The following ITFG1 variants were observed in gnomAD, a reference collection of about 807,000 sequenced individuals.
The protein encoded by ITFG1 is integrin alpha FG-GAP repeat containing 1.
A neutral mutation model predicts 81.8 loss-of-function variants in ITFG1; 34 were observed. The observed-to-expected ratio is 0.42, with a 90% CI of 0.32 to 0.55. The LOEUF (loss-of-function observed/expected upper bound fraction) is 0.55, where lower values mean the gene tolerates loss of function less well. Ranked by LOEUF, ITFG1 falls within the 20% of genes least tolerant of loss-of-function variation. The probability of loss-of-function intolerance (pLI) is 0.17; values close to 1 mark genes in which losing one functional copy is unlikely to be tolerated. For synonymous variants in ITFG1, 285 were observed against 270.6 expected (o/e 1.05, Z -0.52); for missense variants, 672 against 755.4 (o/e 0.89, Z 1.29).
At chr16:47,455,553 G>A (rs759967097) in intron 2 of ITFG1, among the ~76,000 whole-genome samples, 4 of 151,876 alleles carry the variant, frequency 2.6e-5, no homozygotes, top group Non-Finnish European at 5.9e-5. Context: ...TGGATCACTT[G>A]AGGTCAGGAA....
intron 13 of ITFG1, among the ~76,000 whole-genome samples, chr16:47,229,601 G>GAAAAAAGAAAAAAAAAAA (rs1965793819): frequency 6.8e-6 from 1 of 146,890 alleles, no homozygotes; most frequent in Non-Finnish European, 1.5e-5. Context: ...CTGCAGTCAG[G>GAAAAAAGAAAAAAAAAAA]CAAAAAAAAA....
intron 8 of ITFG1, among the ~76,000 whole-genome samples, chr16:47,352,736 C>T (rs1324523877): frequency 6.6e-6 from 1 of 152,186 alleles, no homozygotes; most frequent in East Asian, 1.9e-4. Context: ...ATAAATCATG[C>T]TGCTATAAAG....
At chr16:47,313,140 T>A (rs1967293841) in intron 9 of ITFG1, 1 of 152,286 alleles carries the variant, frequency 6.6e-6, no homozygotes, top group African/African-American at 2.4e-5. Flanking sequence ...GCTTTTAGAA[T>A]GCTGACTGTG....
intron 8 of ITFG1, among the ~76,000 whole-genome samples, chr16:47,317,320 A>T (rs1211708614): frequency 6.6e-6 from 1 of 152,210 alleles, no homozygotes; most frequent in East Asian, 1.9e-4. Context: ...TGTCATAAAA[A>T]TGGATTACAA....
chr16:47,386,862 C>A (rs1302281261), intron 6 of ITFG1, among the ~76,000 whole-genome samples: 1 of 152,088 alleles, frequency 6.6e-6, no homozygotes, highest in Non-Finnish European at 1.5e-5. Flanking sequence ...AGGGTATATT[C>A]AAAACAAATG....
At chr16:47,325,620 A>G (rs867218745) in intron 8 of ITFG1, among the ~76,000 whole-genome samples, 3 of 152,198 alleles carry the variant, frequency 2.0e-5, no homozygotes, top group Non-Finnish European at 4.4e-5. Context: ...AAATAGACAC[A>G]ATAAAAAATG....
At chr16:47,376,320 A>G (rs1968323819) in intron 6 of ITFG1, among the ~76,000 whole-genome samples, 3 of 148,730 alleles carry the variant, frequency 2.0e-5, no homozygotes, top group Non-Finnish European at 4.6e-5. Context: ...ACACTTACCT[A>G]TATATCATAG....
intron 8 of ITFG1, among the ~76,000 whole-genome samples, chr16:47,354,573 A>C (rs1968012718): frequency 6.6e-6 from 1 of 152,170 alleles, no homozygotes; most frequent in Admixed American, 6.6e-5. Context: ...CTAACTAAAA[A>C]GCTTCTGCAC....
chr16:47,299,403 A>T (rs1315632839), intron 10 of ITFG1: 1 of 152,080 alleles, frequency 6.6e-6, no homozygotes, highest in Non-Finnish European at 1.5e-5. Flanking sequence ...CAGCGGTCTC[A>T]GTCCTGTACT....
intron 6 of ITFG1, among the ~76,000 whole-genome samples, chr16:47,384,548 G>A (rs1162127004): frequency 6.6e-6 from 1 of 152,060 alleles, no homozygotes; most frequent in African/African-American, 2.4e-5. Flanking sequence ...ATACTGGAAG[G>A]GAATATTTTT....
intron 14 of ITFG1, among the ~76,000 whole-genome samples, chr16:47,174,951 G>A (rs1965006845): frequency 6.6e-6 from 1 of 152,200 alleles, no homozygotes; most frequent in African/African-American, 2.4e-5. Context: ...GACACATTCA[G>A]ATAATCAATA....
chr16:47,254,098 G>A (rs1224883411), intron 12 of ITFG1, among the ~76,000 whole-genome samples: 1 of 151,952 alleles, frequency 6.6e-6, no homozygotes, highest in African/African-American at 2.4e-5. Flanking sequence ...AGTCTGTGTT[G>A]CATTATGAGG....
At chr16:47,278,842 C>A (rs1157322149) in intron 10 of ITFG1, among the ~76,000 whole-genome samples, 1 of 152,080 alleles carries the variant, frequency 6.6e-6, no homozygotes, top group Non-Finnish European at 1.5e-5. Flanking sequence ...TCACTGACAG[C>A]ACAGCTATGT....
chr16:47,294,661 G>C (rs757497131), intron 10 of ITFG1, among the ~76,000 whole-genome samples: 1 of 151,946 alleles, frequency 6.6e-6, no homozygotes, highest in Non-Finnish European at 1.5e-5. Context: ...TTTTCAGCTT[G>C]ATTTGTATTG....
chr16:47,409,405 T>TATATATATA (rs60029204), intron 6 of ITFG1, among the ~76,000 whole-genome samples: 1 of 8,026 alleles, frequency 1.2e-4, no homozygotes, highest in Non-Finnish European at 2.2e-4. Context: ...TATATATATA[T>TATATATATA]TTTTTTTTTT....
At chr16:47,159,337 C>G (rs1964764420) in intron 16 of ITFG1, among the ~76,000 whole-genome samples, 1 of 152,084 alleles carries the variant, frequency 6.6e-6, no homozygotes, top group Non-Finnish European at 1.5e-5. Context: ...TTTTTTACAT[C>G]TTGATTTACC....
intron 8 of ITFG1, among the ~76,000 whole-genome samples, chr16:47,324,635 G>A (rs1191511415): frequency 6.6e-6 from 1 of 152,170 alleles, no homozygotes; most frequent in Admixed American, 6.6e-5. Context: ...TAAAGGGATG[G>A]AGGAAGATCT....
intron 8 of ITFG1, among the ~76,000 whole-genome samples, chr16:47,362,371 G>T (rs1430186901): frequency 6.6e-6 from 1 of 152,084 alleles, no homozygotes; most frequent in Non-Finnish European, 1.5e-5. Context: ...ATTACATTAT[G>T]CATATCCCAC....
intron 12 of ITFG1, among the ~76,000 whole-genome samples, chr16:47,242,681 TG>T (rs1217374703): frequency 5.3e-5 from 8 of 152,146 alleles, no homozygotes; most frequent in African/African-American, 1.9e-4. Flanking sequence ...CTTGGGTTGG[TG>T]AAGGTGTTAG....
Sources: allele counts gnomAD v4.1 joint callset (sites outside exome capture counted in the v4.1 genomes callset), GRCh38; gene constraint gnomAD v4.1.1; transcripts MANE v1.5; gene names NCBI Gene and HGNC (gene_info 2026-07-23, HGNC 2026-07-21).